Variants in MYOM1 observed in about 807,000 individuals in gnomAD.
MYOM1 encodes myomesin-1.
In MYOM1, 164 loss-of-function variants were observed where a neutral mutation model predicts 205.3. The observed-to-expected ratio is 0.80, with a 90% CI of 0.70 to 0.91. The LOEUF (loss-of-function observed/expected upper bound fraction) is 0.91. Ranked by LOEUF, MYOM1 falls within the 40% of genes least tolerant of loss-of-function variation. The probability of loss-of-function intolerance (pLI) is 0.00; values close to 1 mark genes in which losing one functional copy is unlikely to be tolerated. For missense variants in MYOM1, 2,011 were observed against 2,127.3 expected (o/e 0.95, Z 1.08); for synonymous variants, 772 against 789.4 (o/e 0.98, Z 0.37).
At chr18:3,107,184 C>A (rs1464811266) in intron 22 of MYOM1, among the ~76,000 whole-genome samples, 1 of 152,164 alleles carries the variant, frequency 6.6e-6, no homozygotes, top group Non-Finnish European at 1.5e-5. Flanking sequence ...GTGGCACGAT[C>A]TCGGCTCACT....
intron 26 of MYOM1, chr18:3,093,474 T>A (rs1424208007): frequency 6.6e-6 from 1 of 152,184 alleles, no homozygotes; most frequent in Non-Finnish European, 1.5e-5. Flanking sequence ...CAAAATCACC[T>A]ACGTAAATAT....
Position 3,116,684 on chromosome 18 carries a change from G to A in MYOM1, c.3119-169C>T, listed in dbSNP as rs79933577. ...TCTGTGGTCATTTCACAACGTTTTC[G>A]TACTGCTCTACATTAGCCCACTGAG... On this transcript the variant is annotated intron_variant, in intron 20 of 37. Coordinates refer to ENST00000356443, the MANE Select transcript of MYOM1 (RefSeq NM_003803.4). 0.04 allele frequency among the ~76,000 whole-genome samples: 6,157 copies of A among 152,076 alleles called. 206 individuals carry two copies. Among genetic ancestry groups the A allele is most frequent in the African/African-American group, 0.088 (3,649 of 41,448 alleles).
chr18:3,131,569 G>T (rs2079876306), intron 16 of MYOM1, 73 bp from the exon 17 acceptor site: 10 of 1,340,710 alleles, frequency 7.5e-6, no homozygotes, highest in Non-Finnish European at 9.4e-6. Flanking sequence ...GCTTAATGGA[G>T]TGGATCTGGC....
At chr18:3,204,639 T>C (rs1411064018) in intron 2 of MYOM1, among the ~76,000 whole-genome samples, 2 of 151,918 alleles carry the variant, frequency 1.3e-5, no homozygotes, top group Non-Finnish European at 2.9e-5. Context: ...AAAATGATAC[T>C]TTTTTTCAAA....
intron 26 of MYOM1, among the ~76,000 whole-genome samples, chr18:3,091,145 G>A (rs1226059090): frequency 1.3e-5 from 2 of 151,912 alleles, no homozygotes; most frequent in Non-Finnish European, 1.5e-5. Context: ...ATGAAACCCC[G>A]TCTCTACTAA....
chr18:3,190,976 G>GA (rs1431397093), intron 3 of MYOM1, among the ~76,000 whole-genome samples: 7 of 151,376 alleles, frequency 4.6e-5, no homozygotes, highest in Non-Finnish European at 7.4e-5. Context: ...GCTAAACTTC[G>GA]AAAAAAAACT....
intron 19 of MYOM1, among the ~76,000 whole-genome samples, chr18:3,124,404 G>A (rs1020436425): frequency 2.1e-4 from 31 of 148,028 alleles, no homozygotes; most frequent in African/African-American, 5.8e-4. Flanking sequence ...CCAGGTTCAC[G>A]CCATTCTCCT....
chr18:3,144,005 G>A (rs2080088258), intron 13 of MYOM1, among the ~76,000 whole-genome samples: 1 of 149,214 alleles, frequency 6.7e-6, no homozygotes. Flanking sequence ...AGGAGATCAA[G>A]ACCATCCTGA....
At chr18:3,125,138 A>G (rs1436167705) in intron 19 of MYOM1, among the ~76,000 whole-genome samples, 1 of 152,190 alleles carries the variant, frequency 6.6e-6, no homozygotes, top group Non-Finnish European at 1.5e-5. Context: ...ATGCAGAGTG[A>G]TGGGAATTCT....
chr18:3,069,517 CCAT>C (rs2078937398), intron 37 of MYOM1, among the ~76,000 whole-genome samples: 1 of 152,012 alleles, frequency 6.6e-6, no homozygotes, highest in Non-Finnish European at 1.5e-5. Context: ...TGTTTTTCTC[CCAT>C]CACTAATTAA....
Position 3,209,570 on chromosome 18 carries a change from T to G in MYOM1, c.290+5364A>C, listed in dbSNP as rs1407816904. ...TCAGTCCTGCCCAACCCATCACCTT[T>G]CTGACATCCTCTCCACCTGCACTAT... On this transcript the variant is annotated intron_variant, in intron 2 of 37. Transcript: ENST00000356443. This position sits in a 1 kb window ranked among gnomAD's most constrained non-coding sequence, Gnocchi z 4.0. Among the ~76,000 whole-genome samples, 2 of 152,196 alleles carry G rather than the reference T, an allele frequency of 1.3e-5. No homozygotes were observed. The highest frequency in any genetic ancestry group is 4.8e-5 in the African/African-American group (2 of 41,448).
chr18:3,103,059 T>C (rs915904940), intron 22 of MYOM1, among the ~76,000 whole-genome samples: 2 of 152,254 alleles, frequency 1.3e-5, no homozygotes, highest in African/African-American at 2.4e-5. Context: ...GGAAATTGAA[T>C]GGGAGAAAGT....
intron 13 of MYOM1, 59 bp downstream of exon 13, chr18:3,149,084 CAA>C: frequency 1.2e-5 from 18 of 1,478,376 alleles, no homozygotes; most frequent in Non-Finnish European, 1.7e-5. Context: ...CCCTCCACAA[CAA>C]AAGGCAAACT....
chr18:3,100,430 C>T lies in MYOM1; in HGVS notation c.3576-4G>A, dbSNP rs779873801. 1.4e-5 allele frequency: 22 copies of T among 1,608,408 alleles called. No individual in the cohort carries two copies. The highest frequency in any genetic ancestry group is 1.0e-4 in the Admixed American group (6 of 59,794). On this transcript the variant is annotated splice_polypyrimidine_tract_variant and splice_region_variant and intron_variant, in intron 23 of 37. Coordinates refer to ENST00000356443, the MANE Select transcript of MYOM1 (RefSeq NM_003803.4). Reference sequence around the variant, plus strand: ...GTCTTTGAAGGTCATTTTCGTCCTTCGGAACAAAATATTTTTCTTAGAAAT... The same window carrying T: ...GTCTTTGAAGGTCATTTTCGTCCTTTGGAACAAAATATTTTTCTTAGAAAT...
chr18:3,224,028 A>AT (rs550455569), upstream of MYOM1, among the ~76,000 whole-genome samples: 5,337 of 138,642 alleles, frequency 0.038, 124 homozygotes, highest in African/African-American at 0.048. Context: ...CTAACATTAG[A>AT]TTTTTTTTTT....
intron 26 of MYOM1, among the ~76,000 whole-genome samples, chr18:3,091,857 G>T (rs571485329): frequency 6.6e-6 from 1 of 151,762 alleles, no homozygotes; most frequent in Non-Finnish European, 1.5e-5. Context: ...TCAGCCTCCT[G>T]AGTAGCTGGG....
In MYOM1 at chr18:3,141,999, C is replaced by T. The variant is rs998287871; in HGVS notation, c.1965G>A (p.Val655=). ...GCTGGCCAGGGGGCTTCCAGCTGAG[C>T]ACCACATAGCTCCGGGTGGCCTCAG... ...SVTEATRSYV[V]LSWKPPGQRG... The change falls in exon 14 of 38, where the codon GTG becomes GTA. Residue 655 remains valine (V), a synonymous_variant. Transcript: ENST00000356443. 1.9e-6 allele frequency: 3 copies of T among 1,613,694 alleles called. No individual in the cohort carries two copies. The African/African-American group carries it at 4.0e-5, about 22-fold the overall frequency.
At chr18:3,203,288 T>G (rs1476386713) in intron 2 of MYOM1, among the ~76,000 whole-genome samples, 1 of 149,392 alleles carries the variant, frequency 6.7e-6, no homozygotes, top group Non-Finnish European at 1.5e-5. Context: ...TAATGAAGAC[T>G]AGAGGGGAAA....
In MYOM1 at chr18:3,067,618, AATC is replaced by A. The variant is rs1488765628; in HGVS notation, c.4765-66_4765-64del. The A allele has an allele frequency of 2.6e-6, 4 of 1,540,928 alleles. No homozygotes were observed. In the East Asian group the frequency reaches 9.1e-5, roughly 35 times the overall value. ...TAGATGTAATAGACACACTGTCAAC[AATC>A]TTGCCGGCTGGTGGCTTGGCATGAC... On this transcript the variant is annotated intron_variant, in intron 37 of 37. Coordinates refer to ENST00000356443, the MANE Select transcript of MYOM1 (RefSeq NM_003803.4).
Sources: gnomAD v4.1 joint callset for allele counts (sites outside exome capture counted in the v4.1 genomes callset) on GRCh38, gnomAD v4.1.1 for gene constraint, Gnocchi (gnomAD v3.1) non-coding constraint, MANE v1.5 for transcripts, NCBI Gene and HGNC (gene_info 2026-07-23, HGNC 2026-07-21) for gene names.